The following RASGRF2 variants were observed in gnomAD, a reference collection of about 807,000 sequenced individuals.
The protein encoded by RASGRF2 is Ras protein specific guanine nucleotide releasing factor 2, also known as ras-specific guanine nucleotide-releasing factor 2.
RASGRF2 carries 76 observed loss-of-function variants against 151.0 expected under a neutral mutation model. The observed-to-expected ratio is 0.50, with a 90% CI of 0.42 to 0.61. RASGRF2 has a LOEUF of 0.61. RASGRF2 is among the 20% of genes least tolerant of loss of function. The pLI, the probability that RASGRF2 is intolerant of heterozygous loss-of-function variation, is 0.00. For synonymous variants in RASGRF2, 504 were observed against 566.5 expected, an observed-to-expected ratio of 0.89 and a Z score of 1.57; for missense variants, 1,148 against 1,564.6, an observed-to-expected ratio of 0.73 and a Z score of 4.49.
At chr5:81,208,677 G>A (rs948516520) in intron 22 of RASGRF2, among the ~76,000 whole-genome samples, 2 of 148,134 alleles carry the variant, frequency 1.4e-5, no homozygotes, top group South Asian at 2.2e-4. Flanking sequence ...TCAGCCTCCC[G>A]AGTAGCTGGG....
At chr5:81,139,405 CTTT>C (rs757190046) in intron 17 of RASGRF2, among the ~76,000 whole-genome samples, 14 of 60,436 alleles carry the variant, frequency 2.3e-4, no homozygotes, top group Admixed American at 2.2e-3. Flanking sequence ...TTCTTTCTTT[CTTT>C]TTTTTTTTTT....
At chr5:80,998,620 A>G (rs910199995) in intron 1 of RASGRF2, among the ~76,000 whole-genome samples, 2 of 152,042 alleles carry the variant, frequency 1.3e-5, no homozygotes, top group African/African-American at 4.8e-5. Context: ...TTTCTTTTAC[A>G]TTTTCCCCTT....
At position 81,228,327 on chromosome 5, in the gene RASGRF2, A is replaced by T. The variant is rs1756042954; in HGVS notation, c.*2557A>T. ...ACCTCTGAGGGAGTGTCTGTTGATG[A>T]CCTGCACTATTCGTGTGCCAGCTGG... On this transcript the variant is annotated 3_prime_UTR_variant, in exon 27 of 27. Coordinates refer to ENST00000265080, the MANE Select transcript of RASGRF2 (RefSeq NM_006909.3). The T allele has an allele frequency of 6.6e-6, 1 of 152,214 alleles. No homozygotes were observed. Among genetic ancestry groups the T allele is most frequent in the African/African-American group, 2.4e-5 (1 of 41,456 alleles). The allele number at this position is 152,214 out of a possible 1,614,324, so 9.4% of individuals were successfully genotyped here. A position where few individuals can be genotyped will look rare whatever the true frequency, so the allele number is the denominator to read the frequency against.
chr5:81,135,610 A>G (rs1371346899), intron 17 of RASGRF2, among the ~76,000 whole-genome samples: 1 of 152,208 alleles, frequency 6.6e-6, no homozygotes, highest in African/African-American at 2.4e-5. Context: ...TGCATCAGTC[A>G]CTTGATCCTT....
chr5:81,046,327 A>C (rs978720959), intron 2 of RASGRF2, among the ~76,000 whole-genome samples: 2 of 152,022 alleles, frequency 1.3e-5, no homozygotes, highest in Non-Finnish European at 2.9e-5. Context: ...CCTTCAGAGA[A>C]TCTTAGGGTC....
intron 1 of RASGRF2, among the ~76,000 whole-genome samples, chr5:80,988,008 CGTGTGTGTGTGTGTGTGTGT>C (rs58750663): frequency 1.4e-5 from 2 of 139,396 alleles, no homozygotes; most frequent in Non-Finnish European, 3.1e-5. Flanking sequence ...AATAAATGTG[CGTGTGTGTGTGTGTGTGTGT>C]GTGTGTGTGT....
intron 1 of RASGRF2, among the ~76,000 whole-genome samples, chr5:80,972,503 A>G (rs934588385): frequency 1.3e-5 from 2 of 151,654 alleles, no homozygotes; most frequent in Non-Finnish European, 2.9e-5. Flanking sequence ...CTTCTGAGCC[A>G]GAGTCTTGCT....
intron 1 of RASGRF2, among the ~76,000 whole-genome samples, chr5:81,023,625 G>T (rs1749907045): frequency 6.6e-6 from 1 of 152,226 alleles, no homozygotes; most frequent in Non-Finnish European, 1.5e-5. Flanking sequence ...TGTAGTTATT[G>T]TAACTCTTTC....
intron 9 of RASGRF2, chr5:81,087,214 C>G: frequency 1.4e-6 from 1 of 703,126 alleles, no homozygotes; most frequent in South Asian, 1.5e-5. Context: ...CCTCAGCGGC[C>G]CGGACATTCT....
chr5:80,992,112 C>T (rs1037879959), intron 1 of RASGRF2, among the ~76,000 whole-genome samples: 1 of 135,752 alleles, frequency 7.4e-6, no homozygotes, highest in African/African-American at 2.9e-5. Context: ...CAGAGAAGGC[C>T]CAGTGCCCCA....
chr5:81,186,108 T>G (rs1162150790), intron 18 of RASGRF2, among the ~76,000 whole-genome samples: 1 of 152,236 alleles, frequency 6.6e-6, no homozygotes, highest in Non-Finnish European at 1.5e-5. Flanking sequence ...CTTACATTCA[T>G]TTTATGGTGA....
chr5:81,176,807 G>A (rs1015951291), intron 17 of RASGRF2, among the ~76,000 whole-genome samples: 1 of 152,182 alleles, frequency 6.6e-6, no homozygotes, highest in East Asian at 1.9e-4. Flanking sequence ...TGAGCCTCTG[G>A]CCTGCAGGAA....
Position 81,225,663 on chromosome 5 carries a change from C to A in RASGRF2, c.3622-15C>A. The A allele has an allele frequency of 6.2e-7, 1 of 1,609,650 alleles. No homozygotes were observed. Among genetic ancestry groups the A allele is most frequent in the Non-Finnish European group, 8.5e-7 (1 of 1,178,394 alleles). On this transcript the variant is annotated splice_polypyrimidine_tract_variant and intron_variant, in intron 26 of 26. Coordinates refer to ENST00000265080, the MANE Select transcript of RASGRF2 (RefSeq NM_006909.3). ...CTGAAAGAGGTAAAAGCTGGGACTT[C>A]CCCTTTTTTTTCAGGTCGCACAGTA... is the stretch of plus-strand genomic sequence containing the variant.
rs746877984 is a variant in RASGRF2 at position 81,080,124 on chromosome 5, A to T, written c.891A>T (p.Glu297Asp). 2.5e-6 allele frequency: 4 copies of T among 1,593,470 alleles called. No individual in the cohort carries two copies. Among genetic ancestry groups the T allele is most frequent in the Non-Finnish European group, 3.4e-6 (4 of 1,175,654 alleles). The change falls in exon 6 of 27, where the codon GAA becomes GAT. Residue 297 changes from glutamate to aspartate, a missense_variant. Transcript: ENST00000265080. ...DDVSSIFLNS[E>D]TIMFLHEIFH... ...ATTATTTTTCCTTTTTTTATAGTGA[A>T]ACAATCATGTTTCTTCATGAAATAT...
At chr5:81,028,680 G>T (rs747598061) in intron 1 of RASGRF2, among the ~76,000 whole-genome samples, 1 of 152,118 alleles carries the variant, frequency 6.6e-6, no homozygotes, top group Non-Finnish European at 1.5e-5. Context: ...AAATAACTTG[G>T]GAGGTTCCAA....
intron 1 of RASGRF2, among the ~76,000 whole-genome samples, chr5:80,971,569 T>A (rs1294208968): frequency 6.9e-6 from 1 of 145,186 alleles, no homozygotes; most frequent in Non-Finnish European, 1.5e-5. Context: ...CACCTGGTAT[T>A]TTTTTTTTTT....
At chr5:81,219,625 G>A in intron 25 of RASGRF2, 85 bp from the exon 26 acceptor site, 1 of 1,112,196 alleles carries the variant, frequency 9.0e-7, no homozygotes, top group Non-Finnish European at 1.4e-6. Flanking sequence ...TCTGGGAAGA[G>A]GCCTCAGAAG....
At chr5:81,120,355 T>C (rs1753272506) in intron 15 of RASGRF2, among the ~76,000 whole-genome samples, 1 of 152,086 alleles carries the variant, frequency 6.6e-6, no homozygotes, top group Admixed American at 6.6e-5. Flanking sequence ...GGTGGAAGGA[T>C]CGCTGGAGCC....
intron 1 of RASGRF2, among the ~76,000 whole-genome samples, chr5:80,983,211 C>A (rs561327927): frequency 6.6e-6 from 1 of 152,346 alleles, no homozygotes; most frequent in African/African-American, 2.4e-5. Flanking sequence ...TCCCCTTTGC[C>A]CCTGTTTCCT....
Sources: gnomAD v4.1 joint callset for allele counts (sites outside exome capture counted in the v4.1 genomes callset) on GRCh38, gnomAD v4.1.1 for gene constraint, MANE v1.5 for transcripts, NCBI Gene and HGNC (gene_info 2026-07-23, HGNC 2026-07-21) for gene names.